ARHGAP18: variants seen among roughly 807,000 people sequenced by gnomAD.
ARHGAP18 encodes the protein Rho GTPase activating protein 18, also known as rho GTPase-activating protein 18.
A neutral mutation model predicts 86.2 loss-of-function variants in ARHGAP18; 67 were observed. The ratio of observed to expected loss-of-function variants is 0.78; its 90% CI spans 0.64 to 0.95. The LOEUF (loss-of-function observed/expected upper bound fraction) is 0.95. Ranked by LOEUF, ARHGAP18 falls within the 40% of genes least tolerant of loss-of-function variation. The pLI is 0.00. For synonymous variants in ARHGAP18, 283 were observed against 280.4 expected (o/e 1.01, Z -0.09); for missense variants, 691 against 780.4 (o/e 0.89, Z 1.37).
intron 1 of ARHGAP18, among the ~76,000 whole-genome samples, chr6:129,702,268 C>G (rs1318056161): frequency 1.3e-5 from 2 of 152,150 alleles, no homozygotes; most frequent in South Asian, 2.1e-4. Context: ...CAGCTCACAG[C>G]AACAAACATG....
At position 129,625,413 on chromosome 6, in the gene ARHGAP18, A is replaced by T. The variant is rs868716377; in HGVS notation, c.786+3940T>A. Among the ~76,000 whole-genome samples the T allele has an allele frequency of 2.2e-3, 64 of 28,552 alleles. 10 individuals are homozygous for T. Among genetic ancestry groups the T allele is most frequent in the African/African-American group, 0.012 (54 of 4,508 alleles). 18.7% of individuals were successfully genotyped at this position (28,552 alleles called of 152,430 possible). A position where few individuals can be genotyped will look rare whatever the true frequency, so the allele number is the denominator to read the frequency against. ...TATTTATACATATGTATTATATATT[A>T]TATATAATATATATTATATATAATA... On this transcript the variant is annotated intron_variant, in intron 5 of 14. Transcript: ENST00000368149.
Position 129,625,630 on chromosome 6 carries a change from T to A in ARHGAP18, c.786+3723A>T, listed in dbSNP as rs1445792725. Among the ~76,000 whole-genome samples, 11 of 54,520 alleles carry A rather than the reference T, an allele frequency of 2.0e-4. 3 individuals carry two copies. In the East Asian group the frequency reaches 7.7e-3, roughly 38 times the overall value. The allele number at this position is 54,520 out of a possible 152,430, so 35.8% of individuals were successfully genotyped here. On this transcript the variant is annotated intron_variant, in intron 5 of 14. Transcript: ENST00000368149. ...TATTATTATATATTTATATATTATA[T>A]ATATTTATATTATATATTTATATAT...
rs558333838 is a variant in ARHGAP18 at position 129,578,005 on chromosome 6, C to T, written c.*508G>A. 1 of 152,120 alleles carries T rather than the reference C, an allele frequency of 6.6e-6. No homozygotes were observed. Among genetic ancestry groups the T allele is most frequent in the South Asian group, 2.1e-4 (1 of 4,816 alleles). 9.4% of individuals were successfully genotyped at this position (152,120 alleles called of 1,614,324 possible). On this transcript the variant is annotated 3_prime_UTR_variant, in exon 15 of 15. Transcript: ENST00000368149. ...AAAGAGATGAATACTAACATTCTGTCGTGACAGGAATACTGTGAAATTAGG... is the reference window on the plus strand; with the variant it reads ...AAAGAGATGAATACTAACATTCTGTTGTGACAGGAATACTGTGAAATTAGG...
intron 10 of ARHGAP18, among the ~76,000 whole-genome samples, chr6:129,604,917 T>C (rs974934269): frequency 6.6e-6 from 1 of 152,110 alleles, no homozygotes; most frequent in African/African-American, 2.4e-5. Context: ...TAAAGAACTA[T>C]CACTCATGCA....
At chr6:129,680,891 T>C (rs922054701) in intron 1 of ARHGAP18, among the ~76,000 whole-genome samples, 12 of 152,236 alleles carry the variant, frequency 7.9e-5, no homozygotes, top group African/African-American at 2.9e-4. Flanking sequence ...ATTATGACTT[T>C]GTACTTCAGC....
chr6:129,606,053 A>G, intron 9 of ARHGAP18, 94 bp from the exon 10 acceptor site: 2 of 1,197,044 alleles, frequency 1.7e-6, no homozygotes, highest in Non-Finnish European at 2.4e-6. Context: ...GTTATTTGGC[A>G]TAAACATGAC....
chr6:129,608,063 CGAAA>C lies in ARHGAP18; in HGVS notation c.1123-15_1123-12del. On this transcript the variant is annotated splice_polypyrimidine_tract_variant and intron_variant, in intron 8 of 14. Coordinates refer to ENST00000368149, the MANE Select transcript of ARHGAP18 (RefSeq NM_033515.3). Reference sequence around the variant, plus strand: ...TTCTTGGCAAAGATTCTGATAGGCACGAAAAAAAAAAAAAAAAAAAAAAGAAGCA... The same window carrying C: ...TTCTTGGCAAAGATTCTGATAGGCACAAAAAAAAAAAAAAAAAAAGAAGCA... 3.1e-5 allele frequency: 20 copies of C among 643,550 alleles called. No individual in the cohort carries two copies. Among genetic ancestry groups the C allele is most frequent in the Admixed American group, 2.6e-4 (3 of 11,526 alleles). 39.9% of individuals were successfully genotyped at this position (643,550 alleles called of 1,614,324 possible).
At chr6:129,694,109 C>T (rs1184875687) in intron 1 of ARHGAP18, among the ~76,000 whole-genome samples, 1 of 152,160 alleles carries the variant, frequency 6.6e-6, no homozygotes, top group Non-Finnish European at 1.5e-5. Context: ...TCTCCAAATA[C>T]CAAAGGGAGT....
At chr6:129,615,000 A>G (rs1789065074) in intron 7 of ARHGAP18, among the ~76,000 whole-genome samples, 1 of 152,116 alleles carries the variant, frequency 6.6e-6, no homozygotes, top group Non-Finnish European at 1.5e-5. Context: ...CCTGCTCTAC[A>G]TATTTCAGAC....
chr6:129,607,508 A>G lies in ARHGAP18; in HGVS notation c.1282+385T>C, dbSNP rs567587689. On this transcript the variant is annotated intron_variant, in intron 9 of 14. Transcript: ENST00000368149. ...CCACTTCTCCTTGTGCTTTTATGAT[A>G]ACTGTTCATCCACAGCTTCTCCAGT... 5.9e-5 allele frequency among the ~76,000 whole-genome samples: 9 copies of G among 152,302 alleles called. No homozygotes were observed. The South Asian group carries it at 1.9e-3, about 32-fold the overall frequency.
chr6:129,657,568 T>C (rs1773865831), intron 1 of ARHGAP18, among the ~76,000 whole-genome samples: 1 of 152,160 alleles, frequency 6.6e-6, no homozygotes, highest in Admixed American at 6.5e-5. Context: ...AGGATGAGTA[T>C]TCAAACACAG....
chr6:129,659,457 TTTTA>T (rs1476197427), intron 1 of ARHGAP18, among the ~76,000 whole-genome samples: 1 of 55,628 alleles, frequency 1.8e-5, no homozygotes, highest in Non-Finnish European at 3.8e-5. Context: ...CTAGAATTTT[TTTTA>T]TTTTATTTTA....
At chr6:129,597,909 A>C (rs1159291142) in intron 12 of ARHGAP18, among the ~76,000 whole-genome samples, 1 of 152,176 alleles carries the variant, frequency 6.6e-6, no homozygotes, top group Non-Finnish European at 1.5e-5. Context: ...TTTTCCATAA[A>C]TGACAAAATT....
At chr6:129,682,652 T>C (rs1185393575) in intron 1 of ARHGAP18, among the ~76,000 whole-genome samples, 1 of 152,196 alleles carries the variant, frequency 6.6e-6, no homozygotes, top group Non-Finnish European at 1.5e-5. Flanking sequence ...CAAAGCATCA[T>C]CACATAATTA....
intron 5 of ARHGAP18, among the ~76,000 whole-genome samples, chr6:129,620,617 T>A (rs2114473047): frequency 6.6e-6 from 1 of 152,382 alleles, no homozygotes; most frequent in East Asian, 1.9e-4. Context: ...AGTTTGGGTT[T>A]ACCTTTGAAT....
intron 5 of ARHGAP18, among the ~76,000 whole-genome samples, chr6:129,624,083 T>C (rs561423991): frequency 3.9e-5 from 6 of 152,294 alleles, no homozygotes; most frequent in African/African-American, 7.2e-5. Flanking sequence ...GAGTTTTGTT[T>C]TGAAAGCTCT....
chr6:129,616,349 A>C, intron 6 of ARHGAP18, 46 bp from the exon 7 acceptor site: 1 of 1,420,426 alleles, frequency 7.0e-7, no homozygotes, highest in Non-Finnish European at 9.7e-7. Context: ...CAATCTATAA[A>C]ATATTAATAT....
At chr6:129,627,407 T>C (rs1011412027) in intron 5 of ARHGAP18, among the ~76,000 whole-genome samples, 1 of 152,082 alleles carries the variant, frequency 6.6e-6, no homozygotes, top group Non-Finnish European at 1.5e-5. Flanking sequence ...ACAGATATTA[T>C]GAGCTTCCCA....
At chr6:129,580,004 A>T (rs546947024) in intron 14 of ARHGAP18, 66 bp downstream of exon 14, 2 of 1,335,084 alleles carry the variant, frequency 1.5e-6, no homozygotes, top group East Asian at 4.7e-5. Flanking sequence ...CTCCAAAGAC[A>T]TAAATAATAA....
Sources: allele counts gnomAD v4.1 joint callset (sites outside exome capture counted in the v4.1 genomes callset), GRCh38; gene constraint gnomAD v4.1.1; transcripts MANE v1.5; gene names NCBI Gene and HGNC (gene_info 2026-07-23, HGNC 2026-07-21).